The following BCLAF3 variants were observed in gnomAD, a reference collection of about 807,000 sequenced individuals.
BCLAF3 encodes BCLAF1 and THRAP3 family member 3.
A neutral mutation model predicts 51.2 loss-of-function variants in BCLAF3; 24 were observed. The ratio of observed to expected loss-of-function variants is 0.47; its 90% CI spans 0.34 to 0.66. The LOEUF (loss-of-function observed/expected upper bound fraction) is 0.66. Among genes scored for constraint, BCLAF3 ranks in the 30% least tolerant of loss-of-function variants. The pLI is 0.01. For synonymous variants in BCLAF3, 152 were observed against 176.6 expected (o/e 0.86, Z 1.10); for missense variants, 465 against 525.1 (o/e 0.89, Z 1.12).
At chrX:19,975,407 G>A (rs962868669) in intron 1 of BCLAF3, among the ~76,000 whole-genome samples, 5 of 106,491 alleles carry the variant, frequency 4.7e-5, no homozygotes, top group South Asian at 4.2e-4. Context: ...GCAGTGCTGC[G>A]ATCTCGGCTC....
intron 4 of BCLAF3, among the ~76,000 whole-genome samples, chrX:19,957,396 A>G (rs2071702715): frequency 8.9e-6 from 1 of 112,123 alleles, no homozygotes; most frequent in Non-Finnish European, 1.9e-5. Flanking sequence ...GCCATAGCAA[A>G]AGAAAAAATA....
chrX:19,989,477 C>G (rs2072888371), intron 1 of BCLAF3, among the ~76,000 whole-genome samples: 1 of 112,097 alleles, frequency 8.9e-6, no homozygotes, highest in African/African-American at 3.2e-5. Context: ...GCCTGGGCGA[C>G]AGAGTGAGAT....
chrX:19,968,938 C>G (rs1314103772), intron 2 of BCLAF3, among the ~76,000 whole-genome samples: 1 of 110,902 alleles, frequency 9.0e-6, no homozygotes, highest in Non-Finnish European at 1.9e-5. Flanking sequence ...AGAGTGAAAC[C>G]CTGTCTCTAC....
At chrX:19,929,119 T>C (rs2070458332) in intron 11 of BCLAF3, 1 of 111,891 alleles carries the variant, frequency 8.9e-6, no homozygotes, top group Non-Finnish European at 1.9e-5. Context: ...GTATTTTAAA[T>C]AGCTTGATTT....
At chrX:19,928,789 GAAGGATA>G (rs1037354360) in intron 11 of BCLAF3, among the ~76,000 whole-genome samples, 2 of 111,091 alleles carry the variant, frequency 1.8e-5, no homozygotes, top group African/African-American at 6.6e-5. Context: ...GGATTAATCT[GAAGGATA>G]TTATGTTAAG....
At chrX:19,971,070 A>G (rs778893650) in intron 1 of BCLAF3, among the ~76,000 whole-genome samples, 2 of 112,268 alleles carry the variant, frequency 1.8e-5, no homozygotes, top group South Asian at 7.4e-4. Flanking sequence ...TTAGATTCTA[A>G]GAATTATAAT....
chrX:19,987,885 A>G (rs1353901180), intron 1 of BCLAF3, among the ~76,000 whole-genome samples: 1 of 111,959 alleles, frequency 8.9e-6, no homozygotes, highest in Non-Finnish European at 1.9e-5. Context: ...CAGCCTCAAA[A>G]AAGTTAACTG....
intron 10 of BCLAF3, chrX:19,935,526 C>T (rs1032381017): frequency 3.9e-6 from 1 of 254,066 alleles, no homozygotes; most frequent in African/African-American, 2.8e-5. Flanking sequence ...CCTGTCTCCC[C>T]ACCTAGAGTC....
rs1189883866 is a variant in BCLAF3, at chrX:19,974,753, G to A, written c.-34-4455C>T. ...AAAAATTAGCCAGGCATGGTGGCGCGTGGCTGTAGTCCCAGCTACTCGGGA... is the reference window on the plus strand; with the variant it reads ...AAAAATTAGCCAGGCATGGTGGCGCATGGCTGTAGTCCCAGCTACTCGGGA... On this transcript the variant is annotated intron_variant, in intron 1 of 11. Transcript: ENST00000379682. Among the ~76,000 whole-genome samples the A allele has an allele frequency of 1.6e-4, 18 of 109,987 alleles. No homozygotes were observed. The Admixed American group carries it at 1.7e-3, about 10-fold the overall frequency.
intron 7 of BCLAF3, 63 bp from the exon 8 acceptor site, chrX:19,950,931 T>C: frequency 1.3e-6 from 1 of 756,770 alleles, no homozygotes; most frequent in Non-Finnish European, 2.0e-6. Context: ...AGACCATATC[T>C]AACAAGAACG....
intron 2 of BCLAF3, among the ~76,000 whole-genome samples, chrX:19,968,768 G>C (rs1437807816): frequency 2.7e-5 from 3 of 112,927 alleles, no homozygotes; most frequent in Non-Finnish European, 5.6e-5. Context: ...CAGGCACTAA[G>C]CTTGGCAGGG....
rs182910623 is a variant in BCLAF3 at position 19,964,912 on chromosome X, T to G, written c.1274+132A>C. On this transcript the variant is annotated intron_variant, in intron 4 of 11. Transcript: ENST00000379682. ...CAGCCTCACTACAGGGCTTTTTTTT[T>G]GGGGGGGAAAATTCTTGGCAATCCC... 8.4e-4 allele frequency: 438 copies of G among 521,871 alleles called. 1 individual carries two copies. The highest frequency in any genetic ancestry group is 2.1e-3 in the African/African-American group (83 of 39,866). The allele number at this position is 521,871 out of a possible 1,213,427, so 43.0% of individuals were successfully genotyped here.
At position 19,919,962 on chromosome X, in the gene BCLAF3, T is replaced by A. The variant is rs531218442; in HGVS notation, c.2107-2628A>T. 4.6e-5 allele frequency among the ~76,000 whole-genome samples: 5 copies of A among 109,859 alleles called. No homozygotes were observed. The South Asian group carries it at 2.0e-3, about 44-fold the overall frequency. ...CTTACAAAATGGCCCTTGGCCAGCA[T>A]CTGGGAACTTAGATTTCAAGAGGGT... On this transcript the variant is annotated intron_variant, in intron 11 of 11. Coordinates refer to ENST00000379682, the MANE Select transcript of BCLAF3 (RefSeq NM_001367774.2).
chrX:19,954,056 C>G, intron 5 of BCLAF3, 164 bp from the exon 6 acceptor site: 2 of 754,309 alleles, frequency 2.7e-6, no homozygotes, highest in Non-Finnish European at 3.1e-6. Context: ...GTAGCGCTCA[C>G]GTGCCTTCCC....
chrX:19,975,315 T>C (rs2072389383), intron 1 of BCLAF3, among the ~76,000 whole-genome samples: 1 of 110,588 alleles, frequency 9.0e-6, no homozygotes, highest in Non-Finnish European at 1.9e-5. Flanking sequence ...ATTTACTATA[T>C]GGTTCTTTTT....
Position 19,966,524 on chromosome X carries a change from T to C in BCLAF3, c.167A>G (p.His56Arg). 1.7e-6 allele frequency: 2 copies of C among 1,211,646 alleles called. No individual in the cohort carries two copies. Among genetic ancestry groups the C allele is most frequent in the Non-Finnish European group, 2.2e-6 (2 of 895,404 alleles). ...GGGAATCCTTGGTTTACTCTGTCCATGTTTCTCACTGTCCATTCTCCACGC... is the reference window on the plus strand; with the variant it reads ...GGGAATCCTTGGTTTACTCTGTCCACGTTTCTCACTGTCCATTCTCCACGC... ...PVAWRMDSEK[H>R]GQSKPRIPSR... The change falls in exon 3 of 12, where the codon CAT becomes CGT. Residue 56 changes from histidine to arginine, a missense_variant. By Grantham distance (29) the His-to-Arg change is conservative (BLOSUM62 0). Transcript: ENST00000379682.
In BCLAF3 at chrX:19,915,117, A is replaced by C. The variant is rs1025996381; in HGVS notation, c.*2188T>G. ...CTTATCAAAAAAAAGAAAAAAAAAA[A>C]AAACTTCTCTTCTCAAGTCTTATGC... On this transcript the variant is annotated 3_prime_UTR_variant, in exon 12 of 12. Coordinates refer to ENST00000379682, the MANE Select transcript of BCLAF3 (RefSeq NM_001367774.2). 3 of 111,058 alleles carry C rather than the reference A, an allele frequency of 2.7e-5. No individual in the cohort carries two copies. The highest frequency in any genetic ancestry group is 3.8e-5 in the Non-Finnish European group (2 of 53,003). 9.2% of individuals were successfully genotyped at this position (111,058 alleles called of 1,213,427 possible). A position where few individuals can be genotyped will look rare whatever the true frequency, so the allele number is the denominator to read the frequency against.
chrX:19,990,321 G>A (rs946468856), intron 1 of BCLAF3, among the ~76,000 whole-genome samples: 2 of 112,859 alleles, frequency 1.8e-5, no homozygotes, highest in African/African-American at 3.2e-5. Flanking sequence ...CACAGGAGAT[G>A]CGCCAATTTT....
chrX:19,917,375 G>C, intron 11 of BCLAF3, 41 bp from the exon 12 acceptor site: 1 of 1,093,232 alleles, frequency 9.1e-7, no homozygotes, highest in Non-Finnish European at 1.3e-6. Context: ...TTCAAACAAA[G>C]TGTCAAACAT....
Sources: allele counts gnomAD v4.1 joint callset (sites outside exome capture counted in the v4.1 genomes callset), GRCh38; gene constraint gnomAD v4.1.1; transcripts MANE v1.5; gene names NCBI Gene and HGNC (gene_info 2026-07-23, HGNC 2026-07-21).